Variants in BANP observed in about 807,000 individuals in gnomAD.
BANP encodes the protein protein BANP.
A neutral mutation model predicts 68.1 loss-of-function variants in BANP; 11 were observed. That is an observed-to-expected ratio of 0.16 (90% confidence interval 0.10 to 0.27). BANP has a LOEUF of 0.27. BANP is among the 10% of genes least tolerant of loss of function. The pLI is 1.00. For missense variants in BANP, 504 were observed against 722.7 expected (o/e 0.70, Z 3.47); for synonymous variants, 329 against 303.2 (o/e 1.09, Z -0.88).
intron 1 of BANP, chr16:87,969,907 GT>G (rs1381326722): frequency 9.1e-6 from 1 of 109,588 alleles, no homozygotes; most frequent in East Asian, 2.3e-4. Context: ...AGGTTGATTG[GT>G]CTTTTTTTTT....
At chr16:88,015,974 GT>G (rs1445026655) in intron 6 of BANP, among the ~76,000 whole-genome samples, 8 of 152,202 alleles carry the variant, frequency 5.3e-5, no homozygotes. Flanking sequence ...GGGTTTGGGA[GT>G]CCGGGGACCT....
chr16:88,038,057 G>C (rs373953863), intron 11 of BANP, 46 bp downstream of exon 11: 14 of 1,598,024 alleles, frequency 8.8e-6, no homozygotes, highest in African/African-American at 6.7e-5. Flanking sequence ...GCGCTGCCGA[G>C]GGATGGGGTT....
In BANP at chr16:88,011,151, G is replaced by A. The variant is rs373451008; in HGVS notation, c.655+4886G>A. Among the ~76,000 whole-genome samples the A allele has an allele frequency of 7.2e-5, 11 of 152,226 alleles. No individual in the cohort carries two copies. The East Asian group carries it at 1.9e-3, about 27-fold the overall frequency. ...GGGCTGTCTGGGGAAGTGAGTGGGA[G>A]TGATGGCGTCTCAGCGGCTTGCGTT... On this transcript the variant is annotated intron_variant, in intron 6 of 13. Coordinates refer to ENST00000682872, the MANE Select transcript of BANP (RefSeq NM_001386991.1).
rs1318998829 is a variant in BANP, at chr16:87,957,045, A to G, written c.-69+5530A>G. 6.6e-6 allele frequency: 1 copy of G among 152,176 alleles called. No individual in the cohort carries two copies. The highest frequency in any genetic ancestry group is 1.9e-4 in the East Asian group (1 of 5,198). 9.4% of individuals were successfully genotyped at this position (152,176 alleles called of 1,614,324 possible). ...GTGTGCCGAGATACTGTGAAGTCACATGAACTTGATTCCTGTTGGAAAGAA... is the reference window on the plus strand; with the variant it reads ...GTGTGCCGAGATACTGTGAAGTCACGTGAACTTGATTCCTGTTGGAAAGAA... On this transcript the variant is annotated intron_variant, in intron 1 of 13. Transcript: ENST00000682872. This position sits in a 1 kb window ranked among gnomAD's most constrained non-coding sequence, Gnocchi z 4.3.
At chr16:87,952,482 G>A (rs1395579897) in intron 1 of BANP, 1 of 152,174 alleles carries the variant, frequency 6.6e-6, no homozygotes, top group Non-Finnish European at 1.5e-5. Context: ...GGCGATGCTG[G>A]AACTCGCACT....
intron 6 of BANP, among the ~76,000 whole-genome samples, chr16:88,007,525 G>C (rs908202714): frequency 2.2e-4 from 34 of 152,234 alleles, no homozygotes; most frequent in African/African-American, 8.2e-4. Flanking sequence ...CACCGTAAGT[G>C]ACCAGATGAC....
chr16:88,052,134 A>C (rs545113657), intron 11 of BANP, among the ~76,000 whole-genome samples: 1 of 152,322 alleles, frequency 6.6e-6, no homozygotes, highest in South Asian at 2.1e-4. Flanking sequence ...TGTTGTTCTA[A>C]TTACTACTAA....
chr16:87,973,535 C>T (rs953254326), intron 1 of BANP, among the ~76,000 whole-genome samples: 4 of 151,998 alleles, frequency 2.6e-5, no homozygotes, highest in African/African-American at 7.2e-5. Flanking sequence ...CCGAGGCATG[C>T]GGATCACCTG....
At chr16:88,001,878 A>G (rs928847791) in intron 4 of BANP, among the ~76,000 whole-genome samples, 1 of 151,582 alleles carries the variant, frequency 6.6e-6, no homozygotes. Context: ...CGAAGCTGAA[A>G]AAATTTATGT....
At chr16:87,954,328 A>C (rs1297488123) in intron 1 of BANP, among the ~76,000 whole-genome samples, 1 of 152,176 alleles carries the variant, frequency 6.6e-6, no homozygotes, top group East Asian at 1.9e-4. Flanking sequence ...CTCTAAGGAA[A>C]CTAATAAGGA....
chr16:88,041,896 C>T (rs1000504113), intron 11 of BANP, among the ~76,000 whole-genome samples: 15 of 152,296 alleles, frequency 9.8e-5, no homozygotes, highest in Non-Finnish European at 7.3e-5. Flanking sequence ...ACTGGGAGTG[C>T]GCAAGAACCA....
chr16:87,951,259 G>A (rs73240733), upstream of BANP, among the ~76,000 whole-genome samples: 5,063 of 152,304 alleles, frequency 0.033, 270 homozygotes, highest in African/African-American at 0.11. Context: ...TGGGAAGCCG[G>A]TACCGTCGCG....
intron 6 of BANP, among the ~76,000 whole-genome samples, chr16:88,009,995 A>C (rs139776504): frequency 6.6e-6 from 1 of 152,220 alleles, no homozygotes; most frequent in African/African-American, 2.4e-5. Context: ...GGAACAGTAG[A>C]CTATGTCTCA....
intron 8 of BANP, among the ~76,000 whole-genome samples, chr16:88,031,355 T>C (rs2078129781): frequency 6.6e-6 from 1 of 152,168 alleles, no homozygotes; most frequent in Non-Finnish European, 1.5e-5. Context: ...CAACATTCTG[T>C]TAATGTGACT....
intron 11 of BANP, among the ~76,000 whole-genome samples, chr16:88,054,174 C>T (rs1357706786): frequency 2.5e-5 from 3 of 120,788 alleles, no homozygotes; most frequent in Non-Finnish European, 3.9e-5. Flanking sequence ...TCTCCATCAT[C>T]ATCATCATCA....
chr16:88,046,476 G>T (rs2082049747), intron 11 of BANP, among the ~76,000 whole-genome samples: 1 of 152,184 alleles, frequency 6.6e-6, no homozygotes, highest in South Asian at 2.1e-4. Flanking sequence ...TTAGGGAGCT[G>T]TGAGCTCGTG....
chr16:88,028,951 T>G (rs758773227), intron 8 of BANP, among the ~76,000 whole-genome samples: 2 of 152,260 alleles, frequency 1.3e-5, no homozygotes, highest in Admixed American at 1.3e-4. Context: ...TTGTCTTTCA[T>G]TGTAGTTTCT....
chr16:87,961,627 T>A (rs1164760103), intron 1 of BANP, among the ~76,000 whole-genome samples: 2 of 152,256 alleles, frequency 1.3e-5, no homozygotes, highest in African/African-American at 2.4e-5. Flanking sequence ...GTTTTGTTGT[T>A]CTTTGGAAGC....
At chr16:88,051,481 T>C (rs1196275848) in intron 11 of BANP, among the ~76,000 whole-genome samples, 2 of 152,200 alleles carry the variant, frequency 1.3e-5, no homozygotes, top group African/African-American at 2.4e-5. Flanking sequence ...CCTCGGTGCC[T>C]CACGCGCAGT....
Sources: gnomAD v4.1 joint callset for allele counts (sites outside exome capture counted in the v4.1 genomes callset) on GRCh38, gnomAD v4.1.1 for gene constraint, Gnocchi (gnomAD v3.1) non-coding constraint, MANE v1.5 for transcripts, NCBI Gene and HGNC (gene_info 2026-07-23, HGNC 2026-07-21) for gene names.